The following L3HYPDH variants were observed in gnomAD, a reference collection of about 807,000 sequenced individuals.
L3HYPDH encodes the protein trans-L-3-hydroxyproline dehydratase, also known as trans-3-hydroxy-L-proline dehydratase.
In L3HYPDH, 32 loss-of-function variants were observed where a neutral mutation model predicts 26.5. That is an observed-to-expected ratio of 1.21 (90% CI 0.91 to 1.62). The LOEUF is 1.62. Ranked by LOEUF, L3HYPDH falls within the 40% of genes most tolerant of loss-of-function variation. The probability of loss-of-function intolerance (pLI) is 0.00; values close to 1 mark genes in which losing one functional copy is unlikely to be tolerated. For synonymous variants in L3HYPDH, 215 were observed against 196.6 expected, an observed-to-expected ratio of 1.09 and a Z score of -0.78; for missense variants, 554 against 476.4, an observed-to-expected ratio of 1.16 and a Z score of -1.52.
the L3HYPDH span, among the ~76,000 whole-genome samples, chr14:59,489,664 A>G: frequency 6.6e-6 from 1 of 152,112 alleles, no homozygotes; most frequent in African/African-American, 2.4e-5. Flanking sequence ...GTCCATTTCC[A>G]TTACTATAAA....
At chr14:59,495,353 C>T in the L3HYPDH span, 3 of 637,474 alleles carry the variant, frequency 4.7e-6, no homozygotes, top group Non-Finnish European at 8.3e-6. Context: ...GGCTTTATTA[C>T]CTTGAACATG....
intron 4 of L3HYPDH, among the ~76,000 whole-genome samples, chr14:59,473,955 T>C (rs958005140): frequency 6.6e-6 from 1 of 152,138 alleles, no homozygotes; most frequent in Non-Finnish European, 1.5e-5. Context: ...AGTGAAGACA[T>C]TCTGGCAAGC....
chr14:59,466,690 A>C (rs1175373589), intron 1 of L3HYPDH, among the ~76,000 whole-genome samples: 2 of 152,244 alleles, frequency 1.3e-5, no homozygotes, highest in Non-Finnish European at 2.9e-5. Flanking sequence ...TTCAGAAAAA[A>C]TATCCTACAG....
chr14:59,474,290 C>A, intron 4 of L3HYPDH: 1 of 483,986 alleles, frequency 2.1e-6, no homozygotes, highest in Non-Finnish European at 3.6e-6. Flanking sequence ...GGAAAACAGT[C>A]CTATCACACA....
the L3HYPDH span, chr14:59,498,849 C>T: frequency 6.2e-7 from 1 of 1,612,166 alleles, no homozygotes; most frequent in Non-Finnish European, 8.5e-7. Flanking sequence ...AGTATTTATG[C>T]TGCACTTTAC....
Position 59,476,078 on chromosome 14 carries a change from TAC to T in L3HYPDH, c.801+12_801+13del. The T allele has an allele frequency of 1.2e-6, 2 of 1,613,836 alleles. No homozygotes were observed. The highest frequency in any genetic ancestry group is 1.7e-5 in the Admixed American group (1 of 59,960). ...TTACCTGGCTTTTGTCCCTAAACAT[TAC>T]AGTTTTAATACCTGTTCATCTGCAA... On this transcript the variant is annotated intron_variant, in intron 3 of 4. Coordinates refer to ENST00000247194, the MANE Select transcript of L3HYPDH (RefSeq NM_144581.2).
chr14:59,494,747 AATG>A, the L3HYPDH span, among the ~76,000 whole-genome samples: 2 of 152,212 alleles, frequency 1.3e-5, no homozygotes, highest in Non-Finnish European at 2.9e-5. Flanking sequence ...TTAAGATTAA[AATG>A]ATACACAGAT....
chr14:59,485,423 G>A, upstream of L3HYPDH: 1 of 280,258 alleles, frequency 3.6e-6, no homozygotes, highest in Non-Finnish European at 6.6e-6. Flanking sequence ...TATTAAACTG[G>A]AGGAATATTA....
the L3HYPDH span, among the ~76,000 whole-genome samples, chr14:59,496,726 G>A: frequency 6.6e-6 from 1 of 152,106 alleles, no homozygotes; most frequent in African/African-American, 2.4e-5. Flanking sequence ...TCATTGATTA[G>A]GACATTTTTT....
At chr14:59,486,656 C>T (rs1200990796), upstream of L3HYPDH, 4 of 1,208,902 alleles carry the variant, frequency 3.3e-6, no homozygotes, top group Middle Eastern at 1.9e-4. Context: ...GCTATTATTG[C>T]AATTATTTTT....
chr14:59,471,271 A>C (rs921558669), downstream of L3HYPDH, among the ~76,000 whole-genome samples: 1 of 152,224 alleles, frequency 6.6e-6, no homozygotes, highest in South Asian at 2.1e-4. Flanking sequence ...TAACATTCTT[A>C]TTAAAGTACT....
chr14:59,487,243 G>T, upstream of L3HYPDH: 1 of 154,634 alleles, frequency 6.5e-6, no homozygotes, highest in Non-Finnish European at 1.4e-5. Context: ...GAATATGGAG[G>T]CATTAATATA....
chr14:59,470,789 A>C (rs1889288506), downstream of L3HYPDH, among the ~76,000 whole-genome samples: 1 of 152,138 alleles, frequency 6.6e-6, no homozygotes, highest in South Asian at 2.1e-4. Context: ...AAATGTTCCC[A>C]ATGAGGAGAC....
the L3HYPDH span, among the ~76,000 whole-genome samples, chr14:59,497,416 G>A: frequency 2.6e-5 from 4 of 152,086 alleles, no homozygotes; most frequent in Non-Finnish European, 4.4e-5. Flanking sequence ...AGTGGGAAAC[G>A]TAATCACTTC....
chr14:59,474,097 T>C (rs1186318694), intron 4 of L3HYPDH, among the ~76,000 whole-genome samples: 2 of 152,202 alleles, frequency 1.3e-5, no homozygotes, highest in African/African-American at 2.4e-5. Context: ...TAATACTTTA[T>C]CTTTTTATAT....
the L3HYPDH span, among the ~76,000 whole-genome samples, chr14:59,493,297 C>A: frequency 2.6e-5 from 4 of 152,186 alleles, no homozygotes; most frequent in Admixed American, 2.6e-4. Context: ...CACCTGTTAA[C>A]AGCCTTGGTT....
Position 59,472,901 on chromosome 14 carries a change from G to A in L3HYPDH, c.*64C>T. ...AATTTATTTGTTTTCATATAATTTA[G>A]AGAAAACAGTCCTTAAGGATAATGA... On this transcript the variant is annotated 3_prime_UTR_variant, in exon 5 of 5. Coordinates refer to ENST00000247194, the MANE Select transcript of L3HYPDH (RefSeq NM_144581.2). 1.4e-6 allele frequency: 2 copies of A among 1,392,426 alleles called. No individual in the cohort carries two copies. Among genetic ancestry groups the A allele is most frequent in the Non-Finnish European group, 1.9e-6 (2 of 1,033,494 alleles). The allele number at this position is 1,392,426 out of a possible 1,614,324, so 86.3% of individuals were successfully genotyped here.
At chr14:59,480,696 A>T (rs529411938) in intron 1 of L3HYPDH, among the ~76,000 whole-genome samples, 1 of 152,294 alleles carries the variant, frequency 6.6e-6, no homozygotes, top group African/African-American at 2.4e-5. Context: ...ACACTAGTCC[A>T]CAGAAGCCCT....
Position 59,479,338 on chromosome 14 carries a change from A to C in L3HYPDH, c.522T>G (p.Asp174Glu), listed in dbSNP as rs570229777. The change falls in exon 2 of 5, where the codon GAT (aspartate) becomes GAG (glutamate). Residue 174 changes from aspartate (D) to glutamate (E), a missense_variant. Asp to Glu is a conservative substitution (Grantham distance 45). Coordinates refer to ENST00000247194, the MANE Select transcript of L3HYPDH (RefSeq NM_144581.2). ...CCATCACCTTTCCATGTCCAGGAAC[A>C]TCCACCATGAGATCTAAAAAAAAGA... ...AFVLATDLMV[D>E]VPGHGKVMVD... 5 of 1,611,684 alleles carry C rather than the reference A, an allele frequency of 3.1e-6. No individual in the cohort carries two copies. The highest frequency in any genetic ancestry group is 1.3e-5 in the African/African-American group (1 of 74,952).
Sources: gnomAD v4.1 joint callset for allele counts (sites outside exome capture counted in the v4.1 genomes callset) on GRCh38, gnomAD v4.1.1 for gene constraint, MANE v1.5 for transcripts, NCBI Gene and HGNC (gene_info 2026-07-23, HGNC 2026-07-21) for gene names.